The following FOXP1 variants were observed in gnomAD, a reference collection of about 807,000 sequenced individuals.
FOXP1 encodes forkhead box P1, also known as forkhead box protein P1.
In FOXP1, 15 loss-of-function variants were observed where a neutral mutation model predicts 98.2. That is an observed-to-expected ratio of 0.15 (90% CI 0.10 to 0.24). The LOEUF (loss-of-function observed/expected upper bound fraction) is 0.24, where lower values mean the gene tolerates loss of function less well. FOXP1 is among the 10% of genes least tolerant of loss of function. The pLI, the probability that FOXP1 is intolerant of heterozygous loss-of-function variation, is 1.00. For synonymous variants in FOXP1, 371 were observed against 314.5 expected (o/e 1.18, Z -1.90); for missense variants, 633 against 848.5 (o/e 0.75, Z 3.15).
At chr3:71,466,152 C>T (rs140869817) in intron 3 of FOXP1, among the ~76,000 whole-genome samples, 1 of 152,154 alleles carries the variant, frequency 6.6e-6, no homozygotes, top group Non-Finnish European at 1.5e-5. Flanking sequence ...CAGATGCCAG[C>T]CCATCCTAAG....
intron 3 of FOXP1, among the ~76,000 whole-genome samples, chr3:71,398,980 G>A (rs576578289): frequency 3.2e-4 from 49 of 152,236 alleles, no homozygotes; most frequent in African/African-American, 1.1e-3. Context: ...GAACTATACA[G>A]CTATTTTATT....
chr3:71,337,283 A>C (rs2076742844), intron 4 of FOXP1, among the ~76,000 whole-genome samples: 1 of 152,226 alleles, frequency 6.6e-6, no homozygotes, highest in African/African-American at 2.4e-5. Flanking sequence ...ATACATATAT[A>C]TGAATGCAAC....
At chr3:71,171,787 C>G (rs1159066114) in intron 6 of FOXP1, among the ~76,000 whole-genome samples, 1 of 152,194 alleles carries the variant, frequency 6.6e-6, no homozygotes, top group Non-Finnish European at 1.5e-5. Context: ...GGGCTGGGGT[C>G]TGGGCCAGGC....
intron 4 of FOXP1, among the ~76,000 whole-genome samples, chr3:71,330,795 G>C (rs1329201577): frequency 1.3e-5 from 2 of 152,232 alleles, no homozygotes; most frequent in Non-Finnish European, 2.9e-5. Context: ...TATTACAAAA[G>C]AGAGAGGCAG....
At chr3:71,493,197 G>A (rs1331429108) in intron 3 of FOXP1, among the ~76,000 whole-genome samples, 1 of 152,132 alleles carries the variant, frequency 6.6e-6, no homozygotes, top group African/African-American at 2.4e-5. Flanking sequence ...TTCAGAGTAT[G>A]ATTAAAACAA....
At chr3:71,087,065 C>G (rs1206383731) in intron 7 of FOXP1, among the ~76,000 whole-genome samples, 2 of 152,144 alleles carry the variant, frequency 1.3e-5, no homozygotes, top group East Asian at 3.9e-4. Flanking sequence ...ACTTACTATT[C>G]AACATGAAAC....
intron 4 of FOXP1, among the ~76,000 whole-genome samples, chr3:71,358,431 TGAA>T (rs1483759013): frequency 2.0e-5 from 3 of 152,274 alleles, no homozygotes; most frequent in African/African-American, 7.2e-5. Context: ...ATTAAAAAGG[TGAA>T]GAAGTCACAC....
chr3:71,493,807 A>G lies in FOXP1; in HGVS notation c.-297-252T>C, dbSNP rs145224332. Among the ~76,000 whole-genome samples the G allele has an allele frequency of 1.5e-3, 224 of 152,340 alleles. 2 individuals are homozygous for G. Among genetic ancestry groups the G allele is most frequent in the African/African-American group, 5.2e-3 (216 of 41,586 alleles). On this transcript the variant is annotated intron_variant, in intron 2 of 20. Transcript: ENST00000649528. ...ATTTATTATGGGCTTTGTACCAAAT[A>G]TTTTAAATATTTTAGCATATGAAAA...
chr3:71,440,175 T>C (rs2085790167), intron 3 of FOXP1, among the ~76,000 whole-genome samples: 1 of 152,228 alleles, frequency 6.6e-6, no homozygotes, highest in Admixed American at 6.5e-5. Flanking sequence ...TGGAGACTGG[T>C]TGCACAACAA....
chr3:71,549,747 CTG>C (rs2045626047), intron 2 of FOXP1, among the ~76,000 whole-genome samples: 1 of 151,382 alleles, frequency 6.6e-6, no homozygotes, highest in Non-Finnish European at 1.5e-5. Context: ...GGGAACAAAA[CTG>C]TCTCAATTTC....
chr3:71,286,040 T>C (rs77817397), intron 5 of FOXP1, among the ~76,000 whole-genome samples: 9,748 of 152,248 alleles, frequency 0.064, 623 homozygotes, highest in African/African-American at 0.17. Context: ...ATAGTATGTA[T>C]ATTTTTACTT....
chr3:71,057,393 C>A (rs1163742856), intron 7 of FOXP1, among the ~76,000 whole-genome samples: 1 of 115,080 alleles, frequency 8.7e-6, no homozygotes, highest in African/African-American at 3.3e-5. Context: ...GTTTTCTGTG[C>A]TACAGGGTTC....
intron 6 of FOXP1, among the ~76,000 whole-genome samples, chr3:71,128,835 C>T (rs1342322530): frequency 2.0e-5 from 3 of 151,898 alleles, no homozygotes; most frequent in Admixed American, 1.3e-4. Flanking sequence ...CAATAAAAAG[C>T]CTGGCAAATT....
chr3:71,102,527 T>G (rs1347091575), intron 7 of FOXP1, among the ~76,000 whole-genome samples: 5 of 152,204 alleles, frequency 3.3e-5, no homozygotes, highest in African/African-American at 1.2e-4. Context: ...CCAAACTGCT[T>G]CTCAATTTCA....
intron 6 of FOXP1, among the ~76,000 whole-genome samples, chr3:71,143,591 T>C (rs2060169741): frequency 6.6e-6 from 1 of 152,166 alleles, no homozygotes; most frequent in Non-Finnish European, 1.5e-5. Flanking sequence ...GAGGAGTAAG[T>C]CATTTAAAAT....
chr3:71,028,330 C>T (rs1425669989), intron 11 of FOXP1, among the ~76,000 whole-genome samples: 4 of 152,046 alleles, frequency 2.6e-5, no homozygotes, highest in South Asian at 2.1e-4. Context: ...CAGGTGGGGA[C>T]GTTGTAAGGC....
chr3:70,986,786 A>G (rs918701734), intron 14 of FOXP1, among the ~76,000 whole-genome samples: 2 of 152,240 alleles, frequency 1.3e-5, no homozygotes, highest in African/African-American at 4.8e-5. Context: ...CCTTCCTGGT[A>G]AAAATGGATG....
chr3:71,255,461 T>C (rs2068543768), intron 5 of FOXP1, among the ~76,000 whole-genome samples: 1 of 152,204 alleles, frequency 6.6e-6, no homozygotes, highest in African/African-American at 2.4e-5. Context: ...GATTTTATTA[T>C]GTTTCCTCGC....
chr3:71,032,664 G>C (rs891348241), intron 11 of FOXP1, among the ~76,000 whole-genome samples: 2 of 152,190 alleles, frequency 1.3e-5, no homozygotes, highest in African/African-American at 4.8e-5. Context: ...TATGGAGCCA[G>C]GCCACGGGGT....
Sources: gnomAD v4.1 joint callset for allele counts (sites outside exome capture counted in the v4.1 genomes callset) on GRCh38, gnomAD v4.1.1 for gene constraint, MANE v1.5 for transcripts, NCBI Gene and HGNC (gene_info 2026-07-23, HGNC 2026-07-21) for gene names.